Variants in TBC1D31 observed in about 807,000 individuals in gnomAD.
TBC1D31 encodes the protein TBC1 domain family member 31.
Under a neutral mutation model 132.9 loss-of-function variants are expected in TBC1D31, and 99 were observed. The ratio of observed to expected loss-of-function variants is 0.74; its 90% CI spans 0.63 to 0.88. TBC1D31 has a LOEUF of 0.88. Ranked by LOEUF, TBC1D31 falls within the 40% of genes least tolerant of loss-of-function variation. The pLI is 0.00. For synonymous variants in TBC1D31, 385 were observed against 419.4 expected, an observed-to-expected ratio of 0.92 and a Z score of 1.00; for missense variants, 1,134 against 1,256.6, an observed-to-expected ratio of 0.90 and a Z score of 1.48.
chr8:123,076,816 G>T (rs929269198), intron 1 of TBC1D31, among the ~76,000 whole-genome samples: 3 of 152,072 alleles, frequency 2.0e-5, no homozygotes, highest in African/African-American at 7.2e-5. Context: ...TAAATTGTAA[G>T]TGCCATGAAA....
chr8:123,160,338 A>G, the TBC1D31 span, among the ~76,000 whole-genome samples: 1 of 152,284 alleles, frequency 6.6e-6, no homozygotes, highest in East Asian at 1.9e-4. Context: ...TACTTGAACT[A>G]TGTTAATCTA....
chr8:123,130,272 A>G lies in TBC1D31; in HGVS notation c.2345A>G (p.Lys782Arg), dbSNP rs753115910. 6.2e-7 allele frequency: 1 copy of G among 1,613,034 alleles called. No homozygotes were observed. Among genetic ancestry groups the G allele is most frequent in the Non-Finnish European group, 8.5e-7 (1 of 1,179,416 alleles). ...GATGCTGCAAGAAGGCGTTTTCTGA[A>G]GCTTCAGCAAGATCAACAGGAAATG... ...LQDAARRRFL[K>R]LQQDQQEMEL... The change falls in exon 16 of 22, where the codon AAG (lysine) becomes AGG (arginine). Residue 782 changes from lysine to arginine, a missense_variant. Coordinates refer to ENST00000287380, the MANE Select transcript of TBC1D31 (RefSeq NM_145647.4).
At chr8:123,142,087 T>C (rs13252702) in intron 18 of TBC1D31, among the ~76,000 whole-genome samples, 175 bp from the exon 19 acceptor site, 11,590 of 152,166 alleles carry the variant, frequency 0.076, 566 homozygotes, top group Admixed American at 0.16. Flanking sequence ...ATTGGTTTAA[T>C]TGGCTTGTGG....
rs1822804446 is a variant in TBC1D31 at position 123,151,855 on chromosome 8, T to G, written c.3117T>G (p.Leu1039=). The G allele has an allele frequency of 1.3e-6, 2 of 1,590,768 alleles. No individual in the cohort carries two copies. The highest frequency in any genetic ancestry group is 3.7e-5 in the Admixed American group (2 of 53,420). The change falls in exon 22 of 22, where the codon CTT becomes CTG. Residue 1039 remains leucine, a synonymous_variant. Coordinates refer to ENST00000287380, the MANE Select transcript of TBC1D31 (RefSeq NM_145647.4). ...AVEWDTTGQN[L]IKKVRNLRQR... ...AATGGGACACCACGGGACAGAATCT[T>G]ATTAAGAAAGTGAGAAATCTTCGCC...
intron 19 of TBC1D31, 57 bp downstream of exon 19, chr8:123,142,513 TAA>T: frequency 1.7e-6 from 2 of 1,204,964 alleles, no homozygotes; most frequent in Non-Finnish European, 2.2e-6. Flanking sequence ...TTTTTTTTTT[TAA>T]AAGACAGAGT....
chr8:123,144,784 C>A lies in TBC1D31; in HGVS notation c.2903C>A (p.Ala968Glu). 1.2e-6 allele frequency: 2 copies of A among 1,613,532 alleles called. No individual in the cohort carries two copies. Among genetic ancestry groups the A allele is most frequent in the South Asian group, 1.1e-5 (1 of 90,948 alleles). The change falls in exon 20 of 22, where the codon GCG becomes GAG. Residue 968 changes from alanine (A) to glutamate (E), a missense_variant. Physicochemically the swap from Ala to Glu is moderately radical, Grantham distance 107. Transcript: ENST00000287380. ...AAGAAAGCTTCTGCTCTTTCAGATG[C>A]GTCTAGAAAGTGGTTTTTAAAGCAA... Reference protein sequence around the residue: ...SAKKASALSDASRKWFLKQEI... With the variant: ...SAKKASALSDESRKWFLKQEI...
chr8:123,079,596 C>T (rs906127165), intron 2 of TBC1D31, among the ~76,000 whole-genome samples: 1 of 134,290 alleles, frequency 7.4e-6, no homozygotes, highest in Middle Eastern at 3.8e-3. Context: ...TGATTGATTT[C>T]ATGACTAATG....
intron 2 of TBC1D31, among the ~76,000 whole-genome samples, chr8:123,082,039 G>T (rs555876806): frequency 6.6e-6 from 1 of 152,266 alleles, no homozygotes; most frequent in African/African-American, 2.4e-5. Context: ...AGCCCACGTT[G>T]TATTTCTTTC....
chr8:123,126,340 T>A (rs943849816), intron 12 of TBC1D31, 151 bp downstream of exon 12: 1 of 1,231,354 alleles, frequency 8.1e-7, no homozygotes, highest in Non-Finnish European at 1.1e-6. Flanking sequence ...TTCATTAAAC[T>A]GCCTTCCTGA....
At chr8:123,106,738 T>G (rs912164091) in intron 8 of TBC1D31, among the ~76,000 whole-genome samples, 34 of 152,232 alleles carry the variant, frequency 2.2e-4, no homozygotes, top group Admixed American at 1.5e-3. Context: ...ATTACACATG[T>G]ATCCTGTGTC....
In TBC1D31 at chr8:123,126,512, A is replaced by T; in HGVS notation, c.1709A>T (p.Tyr570Phe). ...FIDHDITSQL[Y>F]AWPLLETVFS... ...ATTTTTCCTTATCTGTTTTAGCTAT[A>T]TGCATGGCCTCTTCTTGAAACTGTG... The change falls in exon 13 of 22, where the codon TAT becomes TTT. Residue 570 changes from tyrosine to phenylalanine, a missense_variant. Transcript: ENST00000287380. 6.2e-7 allele frequency: 1 copy of T among 1,613,498 alleles called. No homozygotes were observed.
downstream of TBC1D31, among the ~76,000 whole-genome samples, chr8:123,154,016 T>G (rs1459365462): frequency 6.6e-6 from 1 of 152,242 alleles, no homozygotes; most frequent in Admixed American, 6.5e-5. Flanking sequence ...TCAAATTTAT[T>G]TACATTCATA....
chr8:123,115,862 A>G (rs73337901), intron 10 of TBC1D31, among the ~76,000 whole-genome samples: 11,110 of 152,164 alleles, frequency 0.073, 452 homozygotes, highest in Admixed American at 0.12. Context: ...TAATGCCCTC[A>G]CCCCAAGGTG....
intron 10 of TBC1D31, among the ~76,000 whole-genome samples, chr8:123,114,165 G>A (rs774431771): frequency 2.0e-4 from 31 of 152,160 alleles, no homozygotes; most frequent in Admixed American, 4.6e-4. Flanking sequence ...AAATTGAGGG[G>A]ATATAGTCAA....
At chr8:123,092,211 C>CGAA (rs1816395748) in intron 4 of TBC1D31, among the ~76,000 whole-genome samples, 1 of 152,052 alleles carries the variant, frequency 6.6e-6, no homozygotes, top group Non-Finnish European at 1.5e-5. Context: ...GACGGGGTTT[C>CGAA]ACCATGTTGG....
At chr8:123,150,748 G>A (rs1052766135) in intron 21 of TBC1D31, among the ~76,000 whole-genome samples, 1 of 152,122 alleles carries the variant, frequency 6.6e-6, no homozygotes, top group African/African-American at 2.4e-5. Flanking sequence ...CACAGCATTA[G>A]GCCATCCATA....
chr8:123,109,392 TACAGG>T lies in TBC1D31; in HGVS notation c.1286_1289+1del. ...AGGCTATGGTGAATATCCAACAAAA[TACAGG>T]TACAATTTAAATTCTGTATGTTACA... On this transcript the variant is annotated splice_donor_variant and coding_sequence_variant, in exon 9 of 22. Transcript: ENST00000287380. LOFTEE classifies it high-confidence loss of function. The T allele has an allele frequency of 6.2e-7, 1 of 1,610,506 alleles. No homozygotes were observed.
Position 123,129,234 on chromosome 8 carries a change from T to TA in TBC1D31, c.2270+16_2270+17insA. The stretch of plus-strand genomic sequence containing the variant: ...AAAGACAGAGGTATGTGTTATCACT[T>TA]TAAAAAAAAATCTGGACATATAAGT... On this transcript the variant is annotated intron_variant, in intron 15 of 21. Coordinates refer to ENST00000287380, the MANE Select transcript of TBC1D31 (RefSeq NM_145647.4). 2 of 1,476,774 alleles carry TA rather than the reference T, an allele frequency of 1.4e-6. No individual in the cohort carries two copies. Among genetic ancestry groups the TA allele is most frequent in the African/African-American group, 1.4e-5 (1 of 70,524 alleles). The allele number at this position is 1,476,774 out of a possible 1,614,324, so 91.5% of individuals were successfully genotyped here. A position where few individuals can be genotyped will look rare whatever the true frequency, so the allele number is the denominator to read the frequency against.
At chr8:123,146,615 C>T (rs527432371) in intron 20 of TBC1D31, among the ~76,000 whole-genome samples, 2 of 151,926 alleles carry the variant, frequency 1.3e-5, no homozygotes, top group African/African-American at 4.8e-5. Flanking sequence ...CATGAATATG[C>T]TATGTGCATT....
Sources: gnomAD v4.1 joint callset for allele counts (sites outside exome capture counted in the v4.1 genomes callset) on GRCh38, gnomAD v4.1.1 for gene constraint, MANE v1.5 for transcripts, NCBI Gene and HGNC (gene_info 2026-07-23, HGNC 2026-07-21) for gene names.